The following GRM8 variants were observed in gnomAD, a reference collection of about 807,000 sequenced individuals.
GRM8 encodes metabotropic glutamate receptor 8.
Under a neutral mutation model 87.2 loss-of-function variants are expected in GRM8, and 47 were observed. The observed-to-expected ratio is 0.54, with a 90% confidence interval of 0.43 to 0.69. The LOEUF (loss-of-function observed/expected upper bound fraction) is 0.69, where lower values mean the gene tolerates loss of function less well. GRM8 is among the 30% of genes least tolerant of loss of function. The pLI is 0.00. For missense variants in GRM8, 1,019 were observed against 1,139.2 expected, an observed-to-expected ratio of 0.89 and a Z score of 1.52; for synonymous variants, 396 against 404.5, an observed-to-expected ratio of 0.98 and a Z score of 0.25.
In GRM8 at chr7:127,109,287, T is replaced by G. The variant is rs187086628; in HGVS notation, c.511-2575A>C. On this transcript the variant is annotated intron_variant, in intron 2 of 10. Coordinates refer to ENST00000339582, the MANE Select transcript of GRM8 (RefSeq NM_000845.3). ...AGAAAAGCATCCCAAGAAAAGAAGTTGCTAGGAAAAGCACCCATTATCAGT... is the reference window on the plus strand; with the variant it reads ...AGAAAAGCATCCCAAGAAAAGAAGTGGCTAGGAAAAGCACCCATTATCAGT... Among the ~76,000 whole-genome samples the G allele has an allele frequency of 1.4e-3, 208 of 152,248 alleles. 1 individual carries two copies. The highest frequency in any genetic ancestry group is 4.8e-3 in the African/African-American group (199 of 41,542).
chr7:126,532,233 G>A (rs1814931397), intron 9 of GRM8, among the ~76,000 whole-genome samples: 1 of 152,222 alleles, frequency 6.6e-6, no homozygotes, highest in African/African-American at 2.4e-5. Flanking sequence ...CTTTGGGGGA[G>A]TCCATTGATC....
chr7:126,939,719 C>A (rs1806707171), intron 3 of GRM8, among the ~76,000 whole-genome samples: 1 of 152,184 alleles, frequency 6.6e-6, no homozygotes, highest in Non-Finnish European at 1.5e-5. Context: ...CTCTCCCAAT[C>A]TCAGTAGATA....
chr7:127,129,297 C>CTAA (rs1177235539), intron 2 of GRM8, among the ~76,000 whole-genome samples: 2 of 152,234 alleles, frequency 1.3e-5, no homozygotes, highest in Middle Eastern at 3.4e-3. Context: ...AAGCTATTAG[C>CTAA]TAATAGCCTT....
intron 3 of GRM8, among the ~76,000 whole-genome samples, chr7:126,941,489 G>A (rs186650812): frequency 4.6e-5 from 7 of 151,112 alleles, no homozygotes; most frequent in Non-Finnish European, 7.4e-5. Context: ...GAGTGGTGGC[G>A]GGCACCTGTA....
chr7:126,748,310 C>G (rs1199105017), intron 7 of GRM8, among the ~76,000 whole-genome samples: 1 of 152,048 alleles, frequency 6.6e-6, no homozygotes, highest in Non-Finnish European at 1.5e-5. Flanking sequence ...ATAAAGATTG[C>G]TGGACACAAA....
intron 7 of GRM8, among the ~76,000 whole-genome samples, chr7:126,612,576 C>A (rs747811090): frequency 1.3e-5 from 2 of 152,210 alleles, no homozygotes; most frequent in African/African-American, 2.4e-5. Context: ...GACTTACTAT[C>A]CATTCTGTAC....
chr7:127,027,924 A>G (rs1390798269), intron 3 of GRM8, among the ~76,000 whole-genome samples: 1 of 152,148 alleles, frequency 6.6e-6, no homozygotes, highest in Non-Finnish European at 1.5e-5. Flanking sequence ...TTCAAAGGGA[A>G]TGACTCCAGT....
chr7:127,133,509 A>T (rs1192944543), intron 2 of GRM8, among the ~76,000 whole-genome samples: 3 of 151,698 alleles, frequency 2.0e-5, no homozygotes, highest in Non-Finnish European at 2.9e-5. Context: ...GATCGAGACC[A>T]TCCTGGCTAA....
At chr7:127,116,204 T>G (rs1826689389) in intron 2 of GRM8, among the ~76,000 whole-genome samples, 1 of 152,226 alleles carries the variant, frequency 6.6e-6, no homozygotes, top group Non-Finnish European at 1.5e-5. Flanking sequence ...ATTTTGCCTT[T>G]TTAAAAAATT....
intron 2 of GRM8, among the ~76,000 whole-genome samples, chr7:127,234,890 T>TA (rs1447474662): frequency 6.6e-6 from 1 of 152,220 alleles, no homozygotes; most frequent in Non-Finnish European, 1.5e-5. Context: ...ACACCTGTGT[T>TA]AAAACCGCTG....
intron 7 of GRM8, among the ~76,000 whole-genome samples, chr7:126,762,179 T>G (rs1817643959): frequency 6.6e-6 from 1 of 152,014 alleles, no homozygotes; most frequent in African/African-American, 2.4e-5. Context: ...AATAAATGAT[T>G]TATGAAAGAT....
intron 3 of GRM8, among the ~76,000 whole-genome samples, chr7:126,972,526 C>A (rs931669426): frequency 2.5e-4 from 38 of 151,566 alleles, no homozygotes; most frequent in African/African-American, 8.7e-4. Flanking sequence ...CAAGCAGGTT[C>A]TTTATTTTTT....
intron 8 of GRM8, among the ~76,000 whole-genome samples, chr7:126,557,221 C>A (rs974400231): frequency 8.5e-5 from 13 of 152,116 alleles, no homozygotes; most frequent in Non-Finnish European, 1.5e-4. Context: ...AAGAAGAAAA[C>A]TTTGAAATCT....
At chr7:126,477,277 A>C (rs984435845) in intron 9 of GRM8, among the ~76,000 whole-genome samples, 28 of 152,086 alleles carry the variant, frequency 1.8e-4, no homozygotes. Context: ...AAGCATACAA[A>C]GTTTCAGTTA....
At chr7:126,539,354 G>T (rs1339236048) in intron 8 of GRM8, among the ~76,000 whole-genome samples, 3 of 151,868 alleles carry the variant, frequency 2.0e-5, no homozygotes, top group African/African-American at 7.2e-5. Context: ...TGCTAAGATA[G>T]CAATATTTCC....
At chr7:126,943,021 T>C (rs146796079) in intron 3 of GRM8, among the ~76,000 whole-genome samples, 24 of 152,280 alleles carry the variant, frequency 1.6e-4, no homozygotes, top group Admixed American at 3.9e-4. Flanking sequence ...TTCTACTCAA[T>C]ATGTCTCAGG....
chr7:126,899,813 C>T (rs910180548), intron 6 of GRM8, among the ~76,000 whole-genome samples: 11 of 151,960 alleles, frequency 7.2e-5, no homozygotes, highest in African/African-American at 2.7e-4. Context: ...AGCTCTCCCA[C>T]CATACCTACT....
At chr7:126,459,741 C>G (rs1803680719) in intron 9 of GRM8, among the ~76,000 whole-genome samples, 1 of 151,342 alleles carries the variant, frequency 6.6e-6, no homozygotes, top group Non-Finnish European at 1.5e-5. Flanking sequence ...TGGATATTTG[C>G]TAAGATTGGC....
intron 2 of GRM8, among the ~76,000 whole-genome samples, chr7:127,151,100 C>T (rs1035163677): frequency 1.1e-4 from 16 of 152,024 alleles, no homozygotes; most frequent in African/African-American, 3.9e-4. Flanking sequence ...TGTGTGGCTG[C>T]CTGGCTCCTT....
Sources: allele counts gnomAD v4.1 joint callset (sites outside exome capture counted in the v4.1 genomes callset), GRCh38; gene constraint gnomAD v4.1.1; transcripts MANE v1.5; gene names NCBI Gene and HGNC (gene_info 2026-07-23, HGNC 2026-07-21).